CHST5: variants seen among roughly 807,000 people sequenced by gnomAD.
CHST5 encodes the protein carbohydrate sulfotransferase 5, also known as GST4-alpha.
For missense variants in CHST5, 637 were observed against 602.1 expected (o/e 1.06, Z -0.61); for synonymous variants, 313 against 279.2 (o/e 1.12, Z -1.21).
rs745817033 is a variant in CHST5, at chr16:75,533,105, C to T, written c.-1273G>A. 1 of 702,078 alleles carries T rather than the reference C, an allele frequency of 1.4e-6. No homozygotes were observed. Among genetic ancestry groups the T allele is most frequent in the Non-Finnish European group, 2.6e-6 (1 of 384,688 alleles). 43.5% of individuals were successfully genotyped at this position (702,078 alleles called of 1,614,324 possible). ...GTTTGTTACCTGTGTTCCAGGAAAG[C>T]CAGAGGTCTTCTTAAGGTGGTTGAA... On this transcript the variant is annotated 5_prime_UTR_variant, in exon 3 of 4. Transcript: ENST00000336257.
Position 75,531,179 on chromosome 16 carries a change from A to G in CHST5, c.-795T>C, listed in dbSNP as rs1597027860. 1.7e-6 allele frequency: 1 copy of G among 591,210 alleles called. No homozygotes were observed. The highest frequency in any genetic ancestry group is 2.0e-5 in the African/African-American group (1 of 48,900). 36.6% of individuals were successfully genotyped at this position (591,210 alleles called of 1,614,324 possible). On this transcript the variant is annotated 5_prime_UTR_variant, in exon 4 of 4. Coordinates refer to ENST00000336257, the MANE Select transcript of CHST5 (RefSeq NM_024533.5). ...CTACTAAAAATACAAAAAATTAGCCAGGCGTGATGGTGGGCGCCTGTAGTC... is the reference window on the plus strand; with the variant it reads ...CTACTAAAAATACAAAAAATTAGCCGGGCGTGATGGTGGGCGCCTGTAGTC...
intron 3 of CHST5, 39 bp from the exon 4 acceptor site, chr16:75,531,679 G>A (rs1479134808): frequency 3.7e-5 from 48 of 1,289,742 alleles, no homozygotes; most frequent in Non-Finnish European, 4.7e-5. Context: ...GAGCCCTACA[G>A]AGAGACAGCC....
chr16:75,531,047 G>C lies in CHST5; in HGVS notation c.-663C>G. ...CAGGTATAAAACTTTTGTCAGCCAG[G>C]CGCGGTGGCTCACGCCTGTAATCCC... is the stretch of plus-strand genomic sequence containing the variant. On this transcript the variant is annotated 5_prime_UTR_variant, in exon 4 of 4. Transcript: ENST00000336257. The C allele has an allele frequency of 1.0e-6, 1 of 1,001,146 alleles. No homozygotes were observed. The highest frequency in any genetic ancestry group is 1.2e-6 in the Non-Finnish European group (1 of 830,838). 62.0% of individuals were successfully genotyped at this position (1,001,146 alleles called of 1,614,324 possible).
chr16:75,534,826 G>A (rs2080549926), intron 2 of CHST5, among the ~76,000 whole-genome samples: 2 of 152,162 alleles, frequency 1.3e-5, no homozygotes, highest in Admixed American at 6.5e-5. Context: ...ATTTCATGGA[G>A]AGCTTTTGAA....
rs1281652327 is a variant in CHST5, at chr16:75,529,767, G to C, written c.618C>G (p.Leu206=). 4 of 1,613,574 alleles carry C rather than the reference G, an allele frequency of 2.5e-6. No individual in the cohort carries two copies. In the Admixed American group the frequency reaches 6.7e-5, roughly 27 times the overall value. The change falls in exon 4 of 4, where the codon CTC becomes CTG. Residue 206 remains leucine (L), a synonymous_variant. Coordinates refer to ENST00000336257, the MANE Select transcript of CHST5 (RefSeq NM_024533.5). The stretch of plus-strand genomic sequence containing the variant: ...GCGCGGGGTCGCTGAGCAGCGGGTA[G>C]AGCACCTGCAGGTTGAAGAAGCGCA... ...KEVRFFNLQV[L]YPLLSDPALN...
rs200746936 is a variant in CHST5, at chr16:75,529,562, C to A, written c.823G>T (p.Ala275Ser). 103 of 1,609,036 alleles carry A rather than the reference C, an allele frequency of 6.4e-5. No individual in the cohort carries two copies. Among genetic ancestry groups the A allele is most frequent in the Non-Finnish European group, 8.6e-5 (101 of 1,178,904 alleles). ...GGCGGCTTGAGTGTGGCGGCCTCGG[C>A]GATGCGCACGTGGCTGCGGCACACC... is the stretch of plus-strand genomic sequence containing the variant. ...REVCRSHVRI[A>S]EAATLKPPPF... The change falls in exon 4 of 4, where the codon GCC becomes TCC. Residue 275 changes from alanine (A) to serine (S), a missense_variant. Physicochemically the swap from Ala to Ser is moderately conservative, Grantham distance 99 (BLOSUM62 1). Coordinates refer to ENST00000336257, the MANE Select transcript of CHST5 (RefSeq NM_024533.5).
intron 3 of CHST5, among the ~76,000 whole-genome samples, chr16:75,532,293 G>A (rs145054500): frequency 6.2e-4 from 95 of 152,252 alleles, no homozygotes; most frequent in Non-Finnish European, 1.1e-3. Flanking sequence ...AGAATGTCAC[G>A]CATTTCTCAC....
intron 1 of CHST5, among the ~76,000 whole-genome samples, 154 bp downstream of exon 1, chr16:75,535,890 C>G (rs1309981600): frequency 1.3e-5 from 2 of 152,228 alleles, no homozygotes; most frequent in Non-Finnish European, 2.9e-5. Flanking sequence ...GCCAGAGAAC[C>G]TGGGAGCTCC....
At position 75,531,122 on chromosome 16, in the gene CHST5, A is replaced by G; in HGVS notation, c.-738T>C. 1 of 848,634 alleles carries G rather than the reference A, an allele frequency of 1.2e-6. No individual in the cohort carries two copies. The highest frequency in any genetic ancestry group is 1.4e-6 in the Non-Finnish European group (1 of 693,310). The allele number at this position is 848,634 out of a possible 1,614,324, so 52.6% of individuals were successfully genotyped here. The stretch of plus-strand genomic sequence containing the variant: ...CGGATCACGAGGTCAGGAGATCGAG[A>G]CCATCCTGGCTAACACAGTGAGACC... On this transcript the variant is annotated 5_prime_UTR_variant, in exon 4 of 4. Transcript: ENST00000336257.
At chr16:75,533,280 T>C in intron 2 of CHST5, 97 bp from the exon 3 acceptor site, 2 of 700,430 alleles carry the variant, frequency 2.9e-6, no homozygotes, top group Admixed American at 2.0e-5. Flanking sequence ...TGCACTTTCA[T>C]CTTCATGATT....
rs1457242517 is a variant in CHST5 at position 75,531,473 on chromosome 16, C to T, written c.-1089G>A. ...CTCCAGAAGGAGGGTGTCCTGGAGC[C>T]CTGTGGGTTTGCAAGAAGATCAGTT... On this transcript the variant is annotated 5_prime_UTR_variant, in exon 4 of 4. Transcript: ENST00000336257. 2 of 1,279,882 alleles carry T rather than the reference C, an allele frequency of 1.6e-6. No individual in the cohort carries two copies. The highest frequency in any genetic ancestry group is 2.1e-6 in the Non-Finnish European group (2 of 975,024). 79.3% of individuals were successfully genotyped at this position (1,279,882 alleles called of 1,614,324 possible).
chr16:75,534,548 G>A (rs893173333), intron 2 of CHST5, among the ~76,000 whole-genome samples: 1 of 152,168 alleles, frequency 6.6e-6, no homozygotes, highest in South Asian at 2.1e-4. Context: ...AGAGGCTGAG[G>A]CAGGAAATCA....
Position 75,535,227 on chromosome 16 carries a change from C to T in CHST5, c.-1452G>A, listed in dbSNP as rs2151693607. 1 of 152,580 alleles carries T rather than the reference C, an allele frequency of 6.6e-6. No individual in the cohort carries two copies. Among genetic ancestry groups the T allele is most frequent in the Non-Finnish European group, 1.5e-5 (1 of 68,220 alleles). The allele number at this position is 152,580 out of a possible 1,614,324, so 9.5% of individuals were successfully genotyped here. ...TCCCAGACGTCGTCTCTTCCAAGTT[C>T]CACCGCACAGCCAGCTCTTTCTCTT... is the stretch of plus-strand genomic sequence containing the variant. On this transcript the variant is annotated 5_prime_UTR_variant, in exon 2 of 4. Transcript: ENST00000336257.
Position 75,529,148 on chromosome 16 carries a change from CTCAG to C in CHST5, c.1233_1236del (p.Asp411GlufsTer6). 1 of 1,567,118 alleles carries C rather than the reference CTCAG, an allele frequency of 6.4e-7. No homozygotes were observed. Among genetic ancestry groups the C allele is most frequent in the Admixed American group, 1.8e-5 (1 of 55,724 alleles). On this transcript the variant is annotated frameshift_variant and stop_lost, in exon 4 of 4. Transcript: ENST00000336257. LOFTEE classifies it high-confidence loss of function. ...GGGGCCTGCTCTAAGGCCCAGAGTT[CTCAG>C]TCAGGCGATGCCCAGCTGAAGTGGT... is the stretch of plus-strand genomic sequence containing the variant.
Position 75,528,889 on chromosome 16 carries a change from C to T in CHST5, c.*260G>A, listed in dbSNP as rs568696666. Reference sequence around the variant, plus strand: ...TAATTTAGCAGTAACTTACTCCCTGCGCCCAGAAGAGGTAGGGGCAAGAGT... The same window carrying T: ...TAATTTAGCAGTAACTTACTCCCTGTGCCCAGAAGAGGTAGGGGCAAGAGT... On this transcript the variant is annotated 3_prime_UTR_variant, in exon 4 of 4. Transcript: ENST00000336257. 7.2e-5 allele frequency: 30 copies of T among 415,194 alleles called. No individual in the cohort carries two copies. Among genetic ancestry groups the T allele is most frequent in the South Asian group, 3.1e-4 (6 of 19,398 alleles). 25.7% of individuals were successfully genotyped at this position (415,194 alleles called of 1,614,324 possible).
intron 3 of CHST5, among the ~76,000 whole-genome samples, chr16:75,532,337 T>C (rs930998914): frequency 6.6e-6 from 1 of 152,194 alleles, no homozygotes; most frequent in Non-Finnish European, 1.5e-5. Flanking sequence ...GCCTCCCGCA[T>C]TCCAAGGTCC....
intron 3 of CHST5, among the ~76,000 whole-genome samples, chr16:75,532,219 C>T (rs1049312398): frequency 1.3e-5 from 2 of 152,196 alleles, no homozygotes; most frequent in Non-Finnish European, 2.9e-5. Context: ...CCTACCCTTC[C>T]AATCCCTGTA....
chr16:75,529,636 G>C lies in CHST5; in HGVS notation c.749C>G (p.Thr250Ser). 6.2e-7 allele frequency: 1 copy of C among 1,611,212 alleles called. No homozygotes were observed. Residue 250 changes from threonine to serine, a missense_variant, in exon 4 of 4, where the codon ACC becomes AGC. Physicochemically the swap from Thr to Ser is moderately conservative, Grantham distance 58. Transcript: ENST00000336257. ...LARDNGIVLG[T>S]NGKWVEADPH... ...GTCGGCCTCCACCCACTTGCCGTTGGTGCCCAGCACGATGCCGTTGTCGCG... is the reference window on the plus strand; with the variant it reads ...GTCGGCCTCCACCCACTTGCCGTTGCTGCCCAGCACGATGCCGTTGTCGCG...
chr16:75,529,016 CA>C lies in CHST5; in HGVS notation c.*132del. 1.0e-6 allele frequency: 1 copy of C among 961,052 alleles called. No individual in the cohort carries two copies. The highest frequency in any genetic ancestry group is 3.0e-5 in the Admixed American group (1 of 33,164). The allele number at this position is 961,052 out of a possible 1,614,324, so 59.5% of individuals were successfully genotyped here. A position where few individuals can be genotyped will look rare whatever the true frequency, so the allele number is the denominator to read the frequency against. On this transcript the variant is annotated 3_prime_UTR_variant, in exon 4 of 4. Coordinates refer to ENST00000336257, the MANE Select transcript of CHST5 (RefSeq NM_024533.5). ...AGAAACGTGCAGTCCTTGCCTACTT[CA>C]GGGGAGGACCCCAAACTCCCGGTTG...
Sources: gnomAD v4.1 joint callset for allele counts (sites outside exome capture counted in the v4.1 genomes callset) on GRCh38, gnomAD v4.1.1 for gene constraint, MANE v1.5 for transcripts, NCBI Gene and HGNC (gene_info 2026-07-23, HGNC 2026-07-21) for gene names.